Variants in GHR observed in about 807,000 individuals in gnomAD.
The protein encoded by GHR is growth hormone receptor.
GHR carries 35 observed loss-of-function variants against 67.1 expected under a neutral mutation model. That is an observed-to-expected ratio of 0.52 (90% confidence interval 0.40 to 0.69). GHR has a LOEUF of 0.69. Ranked by LOEUF, GHR falls within the 30% of genes least tolerant of loss-of-function variation. GHR has a pLI of 0.00. For synonymous variants in GHR, 272 were observed against 269.1 expected (o/e 1.01, Z -0.10); for missense variants, 792 against 764.6 (o/e 1.04, Z -0.42).
chr5:42,496,950 A>T (rs1230049499), intron 1 of GHR, among the ~76,000 whole-genome samples: 1 of 152,198 alleles, frequency 6.6e-6, no homozygotes, highest in African/African-American at 2.4e-5. Flanking sequence ...TGTGAATAAG[A>T]GAAAGCAAAG....
chr5:42,546,494 C>G (rs190998141), intron 1 of GHR, among the ~76,000 whole-genome samples: 122 of 152,248 alleles, frequency 8.0e-4, no homozygotes, highest in African/African-American at 2.9e-3. Context: ...TCCTGCTTGC[C>G]AGAACATAGT....
intron 2 of GHR, among the ~76,000 whole-genome samples, chr5:42,609,790 C>T (rs1752800543): frequency 6.6e-6 from 1 of 152,128 alleles, no homozygotes; most frequent in African/African-American, 2.4e-5. Context: ...AAAAAGATAT[C>T]CTTTGAAATC....
chr5:42,505,134 T>TTC (rs1561082115), intron 1 of GHR, among the ~76,000 whole-genome samples: 1 of 151,512 alleles, frequency 6.6e-6, no homozygotes, highest in Non-Finnish European at 1.5e-5. Flanking sequence ...TTTTTTTTTT[T>TTC]TTTCTTTCTT....
chr5:42,545,406 G>T (rs1162405401), intron 1 of GHR, among the ~76,000 whole-genome samples: 1 of 152,070 alleles, frequency 6.6e-6, no homozygotes, highest in Non-Finnish European at 1.5e-5. Flanking sequence ...TACGGAGCAT[G>T]TTTTCGGTTT....
chr5:42,554,547 G>A (rs1463617622), intron 1 of GHR, among the ~76,000 whole-genome samples: 1 of 152,120 alleles, frequency 6.6e-6, no homozygotes, highest in South Asian at 2.1e-4. Flanking sequence ...TGCCTTGTGA[G>A]TAATAATAAA....
At chr5:42,556,964 T>C (rs887892258) in intron 1 of GHR, among the ~76,000 whole-genome samples, 1 of 152,214 alleles carries the variant, frequency 6.6e-6, no homozygotes, top group African/African-American at 2.4e-5. Context: ...AGTTGCCTTT[T>C]TTGAGTTCTC....
At chr5:42,714,570 A>T (rs1561251951) in intron 8 of GHR, among the ~76,000 whole-genome samples, 2 of 152,218 alleles carry the variant, frequency 1.3e-5, no homozygotes, top group Non-Finnish European at 2.9e-5. Context: ...AGCATGCTAA[A>T]AGTCTAACTG....
intron 3 of GHR, among the ~76,000 whole-genome samples, chr5:42,653,771 G>A (rs1223764244): frequency 1.3e-5 from 2 of 152,122 alleles, no homozygotes; most frequent in African/African-American, 4.8e-5. Context: ...CATGGAAGAT[G>A]TGAAATTCAA....
At chr5:42,694,417 A>C (rs184596712) in intron 4 of GHR, among the ~76,000 whole-genome samples, 6 of 152,300 alleles carry the variant, frequency 3.9e-5, no homozygotes, top group Non-Finnish European at 8.8e-5. Context: ...ATATCTGCAC[A>C]GCGTTGGTGC....
intron 2 of GHR, among the ~76,000 whole-genome samples, chr5:42,581,020 A>G (rs1751138128): frequency 6.6e-6 from 1 of 152,208 alleles, no homozygotes; most frequent in South Asian, 2.1e-4. Context: ...CAGCACCAGC[A>G]GAAAAGATGA....
In GHR at chr5:42,425,350, G is replaced by A. The variant is rs143548890; in HGVS notation, c.-12+1395G>A. On this transcript the variant is annotated intron_variant, in intron 1 of 9. Coordinates refer to ENST00000230882, the MANE Select transcript of GHR (RefSeq NM_000163.5). The stretch of plus-strand genomic sequence containing the variant: ...CAGGCTCCCTGGTGTGTGTGCCTGG[G>A]AAGACACTCATCTTTTCTTGCAGAC... Among the ~76,000 whole-genome samples, 501 of 152,314 alleles carry A rather than the reference G, an allele frequency of 3.3e-3. 4 individuals are homozygous for A. The highest frequency in any genetic ancestry group is 2.1e-3 in the African/African-American group (88 of 41,570).
chr5:42,675,193 A>C (rs1294059242), intron 3 of GHR, among the ~76,000 whole-genome samples: 2 of 152,206 alleles, frequency 1.3e-5, no homozygotes, highest in Non-Finnish European at 2.9e-5. Context: ...AAATCATAGC[A>C]ATTCTATTTC....
intron 1 of GHR, among the ~76,000 whole-genome samples, chr5:42,430,825 C>T (rs1417060454): frequency 6.6e-6 from 1 of 152,074 alleles, no homozygotes; most frequent in African/African-American, 2.4e-5. Flanking sequence ...TTACAAGAGA[C>T]CCATTGGCAA....
Position 42,565,937 on chromosome 5 carries a change from A to G in GHR, c.63A>G (p.Gly21=). Reference sequence around the variant, plus strand: ...CAGGATCAAGTGATGCTTTTTCTGGAAGTGAGGGTGAGTTCTGCTTTTCCA... The same window carrying G: ...CAGGATCAAGTGATGCTTTTTCTGGGAGTGAGGGTGAGTTCTGCTTTTCCA... The part of the protein sequence containing the change: ...ALAGSSDAFS[G]SEATAAILSR... Residue 21 remains glycine, a synonymous_variant, in exon 2 of 10, where the codon GGA becomes GGG. Coordinates refer to ENST00000230882, the MANE Select transcript of GHR (RefSeq NM_000163.5). The G allele has an allele frequency of 6.2e-7, 1 of 1,614,064 alleles. No homozygotes were observed. The highest frequency in any genetic ancestry group is 8.5e-7 in the Non-Finnish European group (1 of 1,179,948).
At chr5:42,431,241 T>C (rs1405086063) in intron 1 of GHR, among the ~76,000 whole-genome samples, 2 of 152,214 alleles carry the variant, frequency 1.3e-5, no homozygotes, top group African/African-American at 4.8e-5. Flanking sequence ...GCTTTCATTC[T>C]AAAACAATGC....
At chr5:42,479,183 A>G (rs1745489865) in intron 1 of GHR, among the ~76,000 whole-genome samples, 1 of 152,220 alleles carries the variant, frequency 6.6e-6, no homozygotes, top group Non-Finnish European at 1.5e-5. Context: ...ATGCTGGATT[A>G]CATTTATTGA....
rs114850108 is a variant in GHR at position 42,515,370 on chromosome 5, G to A, written c.-11-50494G>A. Among the ~76,000 whole-genome samples, 1,271 of 152,110 alleles carry A rather than the reference G, an allele frequency of 8.4e-3. 16 individuals carry two copies. Among genetic ancestry groups the A allele is most frequent in the African/African-American group, 0.029 (1,198 of 41,472 alleles). ...TCTCCCAATATACTCTCTTCCTGTC[G>A]TTAAACACAGTCAATTTACCAATGG... On this transcript the variant is annotated intron_variant, in intron 1 of 9. Transcript: ENST00000230882.
intron 2 of GHR, among the ~76,000 whole-genome samples, chr5:42,580,704 C>G (rs1751118543): frequency 6.6e-6 from 1 of 152,134 alleles, no homozygotes; most frequent in East Asian, 1.9e-4. Context: ...GACACACAAC[C>G]TCCTTCTCTA....
chr5:42,424,470 G>C lies in GHR; in HGVS notation c.-12+515G>C. On this transcript the variant is annotated intron_variant, in intron 1 of 9. Coordinates refer to ENST00000230882, the MANE Select transcript of GHR (RefSeq NM_000163.5). The surrounding 1 kb of genome is among the most constrained non-coding windows in gnomAD (Gnocchi z 4.1). ...CGCGACTGGAGAGACTGGGGAGGTC[G>C]AGCTGTGCGCGTGGACACAGCGCGC... 1 of 809,272 alleles carries C rather than the reference G, an allele frequency of 1.2e-6. No individual in the cohort carries two copies. The highest frequency in any genetic ancestry group is 3.4e-4 in the Middle Eastern group (1 of 2,952). 50.1% of individuals were successfully genotyped at this position (809,272 alleles called of 1,614,324 possible).
Sources: gnomAD v4.1 joint callset for allele counts (sites outside exome capture counted in the v4.1 genomes callset) on GRCh38, gnomAD v4.1.1 for gene constraint, Gnocchi (gnomAD v3.1) non-coding constraint, MANE v1.5 for transcripts, NCBI Gene and HGNC (gene_info 2026-07-23, HGNC 2026-07-21) for gene names.